The following SNX10 variants were observed in gnomAD, a reference collection of about 807,000 sequenced individuals.
SNX10 encodes the protein sorting nexin 10, also known as sorting nexin-10.
Under a neutral mutation model 28.5 loss-of-function variants are expected in SNX10, and 25 were observed. The ratio of observed to expected loss-of-function variants is 0.88; its 90% CI spans 0.64 to 1.22. The LOEUF (loss-of-function observed/expected upper bound fraction) is 1.22. Among genes scored for constraint, SNX10 ranks in the 50% most tolerant of loss-of-function variants. The pLI is 0.00. For synonymous variants in SNX10, 62 were observed against 81.4 expected (o/e 0.76, Z 1.28); for missense variants, 223 against 242.6 (o/e 0.92, Z 0.54).
At chr7:26,297,163 C>T (rs1416314599) in intron 1 of SNX10, among the ~76,000 whole-genome samples, 3 of 152,236 alleles carry the variant, frequency 2.0e-5, no homozygotes, top group Non-Finnish European at 4.4e-5. Flanking sequence ...GTGGCACAAT[C>T]TCAGCTCACT....
intron 1 of SNX10, among the ~76,000 whole-genome samples, chr7:26,327,152 T>C (rs1475342786): frequency 1.3e-5 from 2 of 152,162 alleles, no homozygotes; most frequent in African/African-American, 4.8e-5. Context: ...GGTTTTGCCA[T>C]GTTGGCTAGG....
intron 1 of SNX10, among the ~76,000 whole-genome samples, chr7:26,301,077 A>T (rs1382597522): frequency 1.4e-5 from 2 of 147,092 alleles, no homozygotes; most frequent in Non-Finnish European, 3.0e-5. Context: ...GTGTTTTCTG[A>T]GTATAGCTTA....
At chr7:26,307,007 G>A (rs1180147228) in intron 1 of SNX10, among the ~76,000 whole-genome samples, 1 of 152,172 alleles carries the variant, frequency 6.6e-6, no homozygotes, top group Non-Finnish European at 1.5e-5. Flanking sequence ...ACCACTCACT[G>A]TGCTCATCCT....
intron 2 of SNX10, among the ~76,000 whole-genome samples, chr7:26,356,167 A>G (rs1333596456): frequency 2.6e-5 from 4 of 152,216 alleles, no homozygotes; most frequent in Admixed American, 2.0e-4. Flanking sequence ...TTATAGGATA[A>G]CACAGGAATT....
chr7:26,372,898 C>A lies in SNX10; in HGVS notation c.*326C>A. On this transcript the variant is annotated 3_prime_UTR_variant, in exon 7 of 7. Coordinates refer to ENST00000338523, the MANE Select transcript of SNX10 (RefSeq NM_013322.3). ...TTATTGAATTTAAAAAGATAGGTAA[C>A]TAAGTAGCATTTAAAATCAAGATAG... 4.2e-6 allele frequency: 1 copy of A among 236,486 alleles called. No individual in the cohort carries two copies. The highest frequency in any genetic ancestry group is 8.3e-6 in the Non-Finnish European group (1 of 119,826). The allele number at this position is 236,486 out of a possible 1,614,324, so 14.6% of individuals were successfully genotyped here. A position where few individuals can be genotyped will look rare whatever the true frequency, so the allele number is the denominator to read the frequency against.
intron 1 of SNX10, among the ~76,000 whole-genome samples, chr7:26,329,671 C>G (rs1787655348): frequency 6.6e-6 from 1 of 152,150 alleles, no homozygotes. Flanking sequence ...TACCGTGTAC[C>G]TGCTTGAGGA....
chr7:26,310,592 C>T (rs531815413), intron 1 of SNX10, among the ~76,000 whole-genome samples: 120 of 151,936 alleles, frequency 7.9e-4, no homozygotes, highest in Non-Finnish European at 7.4e-4. Context: ...GAAGGAGCCA[C>T]CTTGGTGAGT....
intron 1 of SNX10, among the ~76,000 whole-genome samples, chr7:26,303,863 G>A (rs1020615930): frequency 2.6e-5 from 4 of 152,160 alleles, no homozygotes; most frequent in African/African-American, 7.2e-5. Context: ...GACTTTAAGT[G>A]TTGTTAATAA....
rs150231413 is a variant in SNX10 at position 26,297,659 on chromosome 7, T to A, written c.-24+5573T>A. The stretch of plus-strand genomic sequence containing the variant: ...TTCTTTCCTCACATCTTTCTTCCTC[T>A]GCAGGAAACAGATTTTTCAGGGCCT... On this transcript the variant is annotated intron_variant, in intron 1 of 6. Coordinates refer to ENST00000338523, the MANE Select transcript of SNX10 (RefSeq NM_013322.3). Among the ~76,000 whole-genome samples, 4 of 152,294 alleles carry A rather than the reference T, an allele frequency of 2.6e-5. No individual in the cohort carries two copies. The East Asian group carries it at 7.7e-4, about 29-fold the overall frequency.
chr7:26,323,056 TG>T (rs1468654178), intron 1 of SNX10, among the ~76,000 whole-genome samples: 14 of 152,110 alleles, frequency 9.2e-5, no homozygotes, highest in Non-Finnish European at 1.9e-4. Flanking sequence ...AAGACTAGCC[TG>T]GGCAACATAG....
Position 26,314,699 on chromosome 7 carries a change from A to G in SNX10, c.-24+22613A>G, listed in dbSNP as rs369554961. Among the ~76,000 whole-genome samples, 19 of 152,246 alleles carry G rather than the reference A, an allele frequency of 1.2e-4. 1 individual carries two copies. Among genetic ancestry groups the G allele is most frequent in the East Asian group, 1.2e-3 (6 of 5,184 alleles). On this transcript the variant is annotated intron_variant, in intron 1 of 6. Coordinates refer to ENST00000338523, the MANE Select transcript of SNX10 (RefSeq NM_013322.3). ...AACTGCATGGGATTCTGCATAAAGTATTTTAAGAAAAAAGAACAGGCCAGG... is the reference window on the plus strand; with the variant it reads ...AACTGCATGGGATTCTGCATAAAGTGTTTTAAGAAAAAAGAACAGGCCAGG...
chr7:26,374,038 C>T lies in SNX10; in HGVS notation c.*1466C>T, dbSNP rs1177112235. On this transcript the variant is annotated 3_prime_UTR_variant, in exon 7 of 7. Coordinates refer to ENST00000338523, the MANE Select transcript of SNX10 (RefSeq NM_013322.3). Reference sequence around the variant, plus strand: ...TTTGATTTAATGTGTCTTAGATCCTCATTATTTTAATACAGGAAAAGAAAA... The same window carrying T: ...TTTGATTTAATGTGTCTTAGATCCTTATTATTTTAATACAGGAAAAGAAAA... The T allele has an allele frequency of 6.6e-6, 1 of 151,802 alleles. No homozygotes were observed. Among genetic ancestry groups the T allele is most frequent in the Non-Finnish European group, 1.5e-5 (1 of 67,818 alleles). 9.4% of individuals were successfully genotyped at this position (151,802 alleles called of 1,614,324 possible). A position where few individuals can be genotyped will look rare whatever the true frequency, so the allele number is the denominator to read the frequency against.
rs1789563852 is a variant in SNX10 at position 26,371,983 on chromosome 7, A to G, written c.474A>G (p.Glu158=). ...KFALMNRRFP[E]EDEEGKKEND... is the part of the protein sequence containing the mutation. ...CCTTAATGAATAGACGTTTCCCTGA[A>G]GAAGATGAAGAAGGAAAAAAAGAAA... Residue 158 remains glutamate (E), a synonymous_variant, in exon 6 of 7, where the codon GAA becomes GAG. Coordinates refer to ENST00000338523, the MANE Select transcript of SNX10 (RefSeq NM_013322.3). 6.2e-7 allele frequency: 1 copy of G among 1,613,116 alleles called. No individual in the cohort carries two copies.
At chr7:26,369,268 T>C (rs1789412404) in intron 5 of SNX10, among the ~76,000 whole-genome samples, 1 of 152,174 alleles carries the variant, frequency 6.6e-6, no homozygotes, top group South Asian at 2.1e-4. Context: ...GAAATTGATT[T>C]TGGGCTATTA....
intron 1 of SNX10, among the ~76,000 whole-genome samples, chr7:26,330,110 G>T (rs745753765): frequency 2.0e-5 from 3 of 152,294 alleles, no homozygotes; most frequent in African/African-American, 4.8e-5. Context: ...CCACATGGGG[G>T]TTGGTAAGCA....
chr7:26,344,332 G>A (rs1788299186), intron 1 of SNX10, among the ~76,000 whole-genome samples: 1 of 151,968 alleles, frequency 6.6e-6, no homozygotes, highest in South Asian at 2.1e-4. Flanking sequence ...ATGACTCCCG[G>A]ATAAGTTTTT....
At chr7:26,327,463 G>T (rs1787548352) in intron 1 of SNX10, among the ~76,000 whole-genome samples, 1 of 152,172 alleles carries the variant, frequency 6.6e-6, no homozygotes, top group Non-Finnish European at 1.5e-5. Context: ...TTGTGATACT[G>T]TGTGAACTGC....
chr7:26,301,744 T>G (rs1786376227), intron 1 of SNX10, among the ~76,000 whole-genome samples: 1 of 152,206 alleles, frequency 6.6e-6, no homozygotes, highest in Non-Finnish European at 1.5e-5. Context: ...TACAGACATT[T>G]TCGACAATTC....
intron 1 of SNX10, among the ~76,000 whole-genome samples, chr7:26,295,707 C>T (rs192540398): frequency 1.3e-5 from 2 of 152,318 alleles, no homozygotes; most frequent in African/African-American, 4.8e-5. Context: ...ACCAAGCTGT[C>T]CAATGCATGA....
Sources: gnomAD v4.1 joint callset for allele counts (sites outside exome capture counted in the v4.1 genomes callset) on GRCh38, gnomAD v4.1.1 for gene constraint, MANE v1.5 for transcripts, NCBI Gene and HGNC (gene_info 2026-07-23, HGNC 2026-07-21) for gene names.